ZP2: variants seen among roughly 807,000 people sequenced by gnomAD.
The protein encoded by ZP2 is zona pellucida sperm-binding protein 2.
Under a neutral mutation model 84.0 loss-of-function variants are expected in ZP2, and 51 were observed. The ratio of observed to expected loss-of-function variants is 0.61; its 90% CI spans 0.49 to 0.77. ZP2 has a LOEUF of 0.77. Ranked by LOEUF, ZP2 falls within the 30% of genes least tolerant of loss-of-function variation. The pLI is 0.00. For synonymous variants in ZP2, 375 were observed against 330.9 expected (o/e 1.13, Z -1.45); for missense variants, 909 against 911.9 (o/e 1.00, Z 0.04).
In ZP2 at chr16:21,202,087, C is replaced by T; in HGVS notation, c.1287+17G>A. The T allele has an allele frequency of 6.2e-7, 1 of 1,613,268 alleles. No homozygotes were observed. The highest frequency in any genetic ancestry group is 8.5e-7 in the Non-Finnish European group (1 of 1,179,350). Reference sequence around the variant, plus strand: ...TCAAAGATGAGACTTAACCTCGTGCCATCTGCCAGTACTAACCTTATATCT... The same window carrying T: ...TCAAAGATGAGACTTAACCTCGTGCTATCTGCCAGTACTAACCTTATATCT... On this transcript the variant is annotated intron_variant, in intron 11 of 18. Transcript: ENST00000574091.
At position 21,205,603 on chromosome 16, in the gene ZP2, G is replaced by A. The variant is rs763567670; in HGVS notation, c.529-19C>T. ...TGGTCCCCTGAAGTCAAAAAGCTTT[G>A]TTTAGAGGGCTGGTGCTCCCTTAAC... On this transcript the variant is annotated intron_variant, in intron 6 of 18. Transcript: ENST00000574091. 3 of 1,613,738 alleles carry A rather than the reference G, an allele frequency of 1.9e-6. No individual in the cohort carries two copies. Among genetic ancestry groups the A allele is most frequent in the Non-Finnish European group, 2.5e-6 (3 of 1,179,748 alleles).
At chr16:21,198,154 G>T (rs186577487) in intron 17 of ZP2, among the ~76,000 whole-genome samples, 1 of 149,226 alleles carries the variant, frequency 6.7e-6, no homozygotes, top group Non-Finnish European at 1.5e-5. Context: ...CAGCACTTTG[G>T]GAGGCTGAGG....
chr16:21,214,110 G>T, upstream of ZP2: 1 of 485,380 alleles, frequency 2.1e-6, no homozygotes, highest in Non-Finnish European at 2.7e-6. Flanking sequence ...CCAAATTTGG[G>T]GTTTCTAAAA....
In ZP2 at chr16:21,199,598, G is replaced by T; in HGVS notation, c.1899C>A (p.Thr633=). The T allele has an allele frequency of 6.2e-7, 1 of 1,613,198 alleles. No homozygotes were observed. The highest frequency in any genetic ancestry group is 8.5e-7 in the Non-Finnish European group (1 of 1,179,652). The stretch of plus-strand genomic sequence containing the variant: ...GCCTGTGCCTAGAGGACACAGGGCA[G>T]GTCACAGAACACAGTGGGGAGTCAG... ...LSPDSPLCSV[T]CPVSSRHRRA... is the part of the protein sequence containing the mutation. Residue 633 remains threonine, a synonymous_variant, in exon 16 of 19, where the codon ACC becomes ACA. Transcript: ENST00000574091.
At chr16:21,206,241 C>T (rs1050353419) in intron 5 of ZP2, among the ~76,000 whole-genome samples, 2 of 152,182 alleles carry the variant, frequency 1.3e-5, no homozygotes, top group African/African-American at 4.8e-5. Flanking sequence ...AGGTGATCCA[C>T]CTACCTCAGC....
At chr16:21,213,752 T>G (rs974944920), upstream of ZP2, among the ~76,000 whole-genome samples, 5 of 152,102 alleles carry the variant, frequency 3.3e-5, no homozygotes, top group African/African-American at 1.2e-4. Context: ...TACAGATAAG[T>G]TTTTGGGGAT....
rs1441269887 is a variant in ZP2 at position 21,205,456 on chromosome 16, A to C, written c.657T>G (p.His219Gln). The C allele has an allele frequency of 1.2e-6, 2 of 1,614,160 alleles. No homozygotes were observed. The highest frequency in any genetic ancestry group is 1.7e-6 in the Non-Finnish European group (2 of 1,180,012). The part of the protein sequence containing the change: ...LLIDNHRMTF[H>Q]VPFNATGVTH... Reference sequence around the variant, plus strand: ...TCACTCCAGTGGCATTGAATGGCACATGGAAGGTCATCCTGTGGTTGTCAA... The same window carrying C: ...TCACTCCAGTGGCATTGAATGGCACCTGGAAGGTCATCCTGTGGTTGTCAA... Residue 219 changes from histidine (H) to glutamine (Q), a missense_variant, in exon 7 of 19, where the codon CAT becomes CAG. By Grantham distance (24) the His-to-Gln change is conservative. Transcript: ENST00000574091.
intron 5 of ZP2, among the ~76,000 whole-genome samples, chr16:21,206,314 C>A (rs190651901): frequency 1.6e-4 from 25 of 152,158 alleles, no homozygotes; most frequent in African/African-American, 6.0e-4. Context: ...TGTTCTTAAA[C>A]GTTTGCCCTT....
intron 14 of ZP2, among the ~76,000 whole-genome samples, chr16:21,200,127 T>C (rs1567212075): frequency 6.6e-6 from 1 of 152,212 alleles, no homozygotes; most frequent in East Asian, 1.9e-4. Flanking sequence ...AAGTACAAAT[T>C]ATATCATTTC....
At chr16:21,212,206 C>T (rs112392620), upstream of ZP2, among the ~76,000 whole-genome samples, 503 of 152,268 alleles carry the variant, frequency 3.3e-3, 1 homozygote, top group African/African-American at 0.011. Context: ...GGATTACAGG[C>T]GTGAGCCATT....
At chr16:21,198,738 G>T in intron 17 of ZP2, 41 bp downstream of exon 17, 1 of 1,578,806 alleles carries the variant, frequency 6.3e-7, no homozygotes. Context: ...AAAAAGCTAA[G>T]AACTTGAATC....
chr16:21,209,403 A>G (rs2093264393), intron 4 of ZP2, among the ~76,000 whole-genome samples: 1 of 152,168 alleles, frequency 6.6e-6, no homozygotes, highest in Admixed American at 6.5e-5. Context: ...TTCTGACCTC[A>G]GGTGATCCAC....
chr16:21,204,045 A>C lies in ZP2; in HGVS notation c.957T>G (p.Thr319=). The C allele has an allele frequency of 6.2e-7, 1 of 1,613,684 alleles. No homozygotes were observed. Among genetic ancestry groups the C allele is most frequent in the Non-Finnish European group, 8.5e-7 (1 of 1,180,004 alleles). Residue 319 remains threonine, a synonymous_variant, in exon 9 of 19, where the codon ACT becomes ACG. Coordinates refer to ENST00000574091, the MANE Select transcript of ZP2 (RefSeq NM_001376232.1). ...TTGAACATACTTTCGTTTTGAGCAG[A>C]GTTTTGCTGAAATGCAATTTCATGC... The part of the protein sequence containing the change: ...TNGMKLHFSK[T]LLKTKLSEKC...
At position 21,203,941 on chromosome 16, in the gene ZP2, G is replaced by T. The variant is rs919683845; in HGVS notation, c.972+89C>A. ...GTTATGTTGGCAATTAGAGCTCACG[G>T]GCAAGTTATCAGCCGTATGAGGACT... On this transcript the variant is annotated intron_variant, in intron 9 of 18. Coordinates refer to ENST00000574091, the MANE Select transcript of ZP2 (RefSeq NM_001376232.1). 6 of 1,449,312 alleles carry T rather than the reference G, an allele frequency of 4.1e-6. No homozygotes were observed. The Admixed American group carries it at 6.8e-5, about 16-fold the overall frequency. 89.8% of individuals were successfully genotyped at this position (1,449,312 alleles called of 1,614,324 possible). A position where few individuals can be genotyped will look rare whatever the true frequency, so the allele number is the denominator to read the frequency against.
At chr16:21,201,054 C>T (rs941788672) in intron 14 of ZP2, among the ~76,000 whole-genome samples, 1 of 152,112 alleles carries the variant, frequency 6.6e-6, no homozygotes, top group African/African-American at 2.4e-5. Flanking sequence ...CAAAAATTAG[C>T]TGGGCTTGGT....
In ZP2 at chr16:21,198,771, G is replaced by A. The variant is rs200678571; in HGVS notation, c.2011+8C>T. 274 of 1,613,428 alleles carry A rather than the reference G, an allele frequency of 1.7e-4. No individual in the cohort carries two copies. The African/African-American group carries it at 3.4e-3, about 20-fold the overall frequency. On this transcript the variant is annotated splice_region_variant and intron_variant, in intron 17 of 18. Coordinates refer to ENST00000574091, the MANE Select transcript of ZP2 (RefSeq NM_001376232.1). Reference sequence around the variant, plus strand: ...ATCCAGGAAGTACTCCAGGCTTTAGGTCCATACCTCTGAATGAGGAGTCAT... The same window carrying A: ...ATCCAGGAAGTACTCCAGGCTTTAGATCCATACCTCTGAATGAGGAGTCAT...
At chr16:21,209,600 T>A in intron 4 of ZP2, 31 bp downstream of exon 4, 1 of 1,601,854 alleles carries the variant, frequency 6.2e-7, no homozygotes. Context: ...ACTACGTACT[T>A]CCCCAAGAAC....
Position 21,199,758 on chromosome 16 carries a change from G to A in ZP2, c.1815C>T (p.His605=), listed in dbSNP as rs760672647. The A allele has an allele frequency of 2.2e-5, 35 of 1,614,074 alleles. No homozygotes were observed. The East Asian group carries it at 5.6e-4, about 26-fold the overall frequency. The stretch of plus-strand genomic sequence containing the variant: ...AATCACTTACCAGGCTAGAGAGCAC[G>A]TGGGCTTCTGATACAAAGGCAAAAG... ...MKAFAFVSEA[H]VLSSLVYFHC... Residue 605 remains histidine, a synonymous_variant, in exon 15 of 19, where the codon CAC becomes CAT. Coordinates refer to ENST00000574091, the MANE Select transcript of ZP2 (RefSeq NM_001376232.1).
chr16:21,206,711 C>T, intron 5 of ZP2, 127 bp downstream of exon 5: 2 of 1,270,168 alleles, frequency 1.6e-6, no homozygotes, highest in Non-Finnish European at 2.2e-6. Flanking sequence ...TAAACCTCAT[C>T]ACACAGAAAA....
Sources: allele counts gnomAD v4.1 joint callset (sites outside exome capture counted in the v4.1 genomes callset), GRCh38; gene constraint gnomAD v4.1.1; transcripts MANE v1.5; gene names NCBI Gene and HGNC (gene_info 2026-07-23, HGNC 2026-07-21).